FHIT: variants seen among roughly 807,000 people sequenced by gnomAD.
FHIT encodes the protein bis(5'-adenosyl)-triphosphatase.
Under a neutral mutation model 17.9 loss-of-function variants are expected in FHIT, and 19 were observed. The observed-to-expected ratio is 1.06, with a 90% confidence interval of 0.74 to 1.56. FHIT has a LOEUF of 1.56. Ranked by LOEUF, FHIT falls within the 40% of genes most tolerant of loss-of-function variation. The pLI is 0.00. For synonymous variants in FHIT, 81 were observed against 69.7 expected (o/e 1.16, Z -0.81); for missense variants, 248 against 189.2 (o/e 1.31, Z -1.82).
In FHIT at chr3:60,612,242, A is replaced by G. The variant is rs55925320; in HGVS notation, c.-17-75263T>C. ...CTGTGAAACTCTCAATAAGTCACAT[A>G]TTCTCTGATCTCCATTTCCCAAATC... is the stretch of plus-strand genomic sequence containing the variant. On this transcript the variant is annotated intron_variant, in intron 4 of 9. Coordinates refer to ENST00000492590, the MANE Select transcript of FHIT (RefSeq NM_002012.4). 2.3e-3 allele frequency among the ~76,000 whole-genome samples: 345 copies of G among 152,276 alleles called. 2 individuals are homozygous for G. The highest frequency in any genetic ancestry group is 8.2e-3 in the African/African-American group (339 of 41,570).
intron 4 of FHIT, among the ~76,000 whole-genome samples, chr3:60,752,925 G>A (rs1252539972): frequency 1.3e-5 from 2 of 152,110 alleles, no homozygotes; most frequent in Non-Finnish European, 2.9e-5. Flanking sequence ...TAGGTATCCC[G>A]TTAGGCATCT....
intron 5 of FHIT, among the ~76,000 whole-genome samples, chr3:60,442,799 A>C (rs967069541): frequency 8.5e-5 from 13 of 152,092 alleles, no homozygotes; most frequent in African/African-American, 3.1e-4. Context: ...ATTTTTTCCA[A>C]TTCTGTGAAG....
chr3:60,278,026 C>CA (rs1707241439), intron 5 of FHIT, among the ~76,000 whole-genome samples: 1 of 152,136 alleles, frequency 6.6e-6, no homozygotes, highest in South Asian at 2.1e-4. Flanking sequence ...CATGTAAACA[C>CA]AAAGAATCAT....
At chr3:60,607,491 G>T (rs1468079406) in intron 4 of FHIT, among the ~76,000 whole-genome samples, 1 of 151,766 alleles carries the variant, frequency 6.6e-6, no homozygotes, top group African/African-American at 2.4e-5. Flanking sequence ...TGAAGTTGGG[G>T]TAATTGGTGG....
chr3:60,340,027 C>G lies in FHIT; in HGVS notation c.103+196833G>C, dbSNP rs371551812. Reference sequence around the variant, plus strand: ...TTAAATGCAAACATGTCAAATTATGCTCTGGCACAGGTTCTTCTGCCTCAA... The same window carrying G: ...TTAAATGCAAACATGTCAAATTATGGTCTGGCACAGGTTCTTCTGCCTCAA... On this transcript the variant is annotated intron_variant, in intron 5 of 9. Coordinates refer to ENST00000492590, the MANE Select transcript of FHIT (RefSeq NM_002012.4). Among the ~76,000 whole-genome samples, 6 of 152,186 alleles carry G rather than the reference C, an allele frequency of 3.9e-5. No homozygotes were observed. In the South Asian group the frequency reaches 1.2e-3, roughly 32 times the overall value.
At chr3:59,879,139 A>G (rs1241637034) in intron 8 of FHIT, among the ~76,000 whole-genome samples, 2 of 152,204 alleles carry the variant, frequency 1.3e-5, no homozygotes, top group Admixed American at 6.5e-5. Context: ...TCTCCCAGAG[A>G]TTACTGATTA....
intron 3 of FHIT, among the ~76,000 whole-genome samples, chr3:61,011,628 T>A (rs1005927044): frequency 6.6e-6 from 1 of 152,114 alleles, no homozygotes; most frequent in Non-Finnish European, 1.5e-5. Context: ...GATCCTCAAC[T>A]TTTTTCCTAA....
chr3:59,874,085 G>A (rs1189479823), intron 8 of FHIT, among the ~76,000 whole-genome samples: 2 of 152,060 alleles, frequency 1.3e-5, no homozygotes. Flanking sequence ...GAAATGTGAG[G>A]ATCATAAGCT....
At chr3:60,859,424 C>T (rs942553757) in intron 3 of FHIT, among the ~76,000 whole-genome samples, 6 of 152,082 alleles carry the variant, frequency 3.9e-5, no homozygotes, top group Admixed American at 3.9e-4. Context: ...CACAGGTAGA[C>T]CGCATTTCCA....
intron 2 of FHIT, among the ~76,000 whole-genome samples, chr3:61,091,069 G>A (rs975636608): frequency 3.3e-5 from 5 of 152,070 alleles, no homozygotes; most frequent in African/African-American, 4.8e-5. Context: ...AAGACATCTC[G>A]TTCACATCCC....
chr3:60,779,194 A>AT (rs1332026407), intron 4 of FHIT, among the ~76,000 whole-genome samples: 12 of 152,198 alleles, frequency 7.9e-5, no homozygotes, highest in African/African-American at 1.2e-4. Context: ...TCCTACCATA[A>AT]TTTTTTTAAC....
At chr3:60,250,870 T>C (rs901987500) in intron 5 of FHIT, among the ~76,000 whole-genome samples, 1 of 152,208 alleles carries the variant, frequency 6.6e-6, no homozygotes, top group Non-Finnish European at 1.5e-5. Flanking sequence ...CTAAATAAGC[T>C]GCTTCAACAA....
chr3:60,405,926 C>T (rs1213931557), intron 5 of FHIT, among the ~76,000 whole-genome samples: 1 of 152,146 alleles, frequency 6.6e-6, no homozygotes, highest in Non-Finnish European at 1.5e-5. Flanking sequence ...CCATTGGAAT[C>T]ATGGCAACAA....
chr3:60,644,396 C>T (rs781986811), intron 4 of FHIT, among the ~76,000 whole-genome samples: 1 of 151,896 alleles, frequency 6.6e-6, no homozygotes, highest in Non-Finnish European at 1.5e-5. Context: ...ATGTTGGTTC[C>T]TAAAGCAAAT....
intron 8 of FHIT, among the ~76,000 whole-genome samples, chr3:59,752,931 A>C (rs1700999327): frequency 1.3e-5 from 2 of 152,172 alleles, no homozygotes; most frequent in Non-Finnish European, 2.9e-5. Context: ...GGACTAATAC[A>C]GGTGATCACA....
rs113253811 is a variant in FHIT, at chr3:60,845,858, G to C, written c.-110-23847C>G. Among the ~76,000 whole-genome samples, 123 of 152,248 alleles carry C rather than the reference G, an allele frequency of 8.1e-4. 1 individual carries two copies. Among genetic ancestry groups the C allele is most frequent in the Middle Eastern group, 3.4e-3 (1 of 294 alleles). ...TTAATAAATTTATATGAAAACATTG[G>C]AGTGAAAATGTCTGTCAGTGTCAAA... On this transcript the variant is annotated intron_variant, in intron 3 of 9. Coordinates refer to ENST00000492590, the MANE Select transcript of FHIT (RefSeq NM_002012.4).
At chr3:60,238,230 G>A (rs900579715) in intron 5 of FHIT, among the ~76,000 whole-genome samples, 1 of 151,094 alleles carries the variant, frequency 6.6e-6, no homozygotes, top group African/African-American at 2.4e-5. Flanking sequence ...GAGTTCCTCA[G>A]GTTTTTTCCA....
intron 8 of FHIT, among the ~76,000 whole-genome samples, chr3:59,919,738 C>T (rs1237419861): frequency 6.6e-6 from 1 of 152,206 alleles, no homozygotes; most frequent in Non-Finnish European, 1.5e-5. Flanking sequence ...ACCTCCCACC[C>T]TCCAAGGCAG....
chr3:60,995,769 G>A (rs890990106), intron 3 of FHIT, among the ~76,000 whole-genome samples: 4 of 152,086 alleles, frequency 2.6e-5, no homozygotes, highest in African/African-American at 9.7e-5. Context: ...TTATCATATT[G>A]TGTAAATGTA....
Sources: gnomAD v4.1 joint callset for allele counts (sites outside exome capture counted in the v4.1 genomes callset) on GRCh38, gnomAD v4.1.1 for gene constraint, MANE v1.5 for transcripts, NCBI Gene and HGNC (gene_info 2026-07-23, HGNC 2026-07-21) for gene names.